MAN1C1: variants seen among roughly 807,000 people sequenced by gnomAD.
MAN1C1 encodes the protein mannosidase alpha class 1C member 1, also known as mannosyl-oligosaccharide 1,2-alpha-mannosidase IC.
In MAN1C1, 49 loss-of-function variants were observed where a neutral mutation model predicts 71.5. The observed-to-expected ratio is 0.69, with a 90% CI of 0.54 to 0.87. The LOEUF (loss-of-function observed/expected upper bound fraction) is 0.87, where lower values mean the gene tolerates loss of function less well. MAN1C1 is among the 40% of genes least tolerant of loss of function. The probability of loss-of-function intolerance (pLI) is 0.00; values close to 1 mark genes in which losing one functional copy is unlikely to be tolerated. For synonymous variants in MAN1C1, 352 were observed against 343.7 expected (o/e 1.02, Z -0.27); for missense variants, 743 against 835.0 (o/e 0.89, Z 1.36).
intron 2 of MAN1C1, among the ~76,000 whole-genome samples, chr1:25,694,679 A>T (rs1299343586): frequency 2.0e-5 from 3 of 152,200 alleles, no homozygotes; most frequent in Non-Finnish European, 4.4e-5. Context: ...CCACACACAC[A>T]CACCAGCCTT....
At chr1:25,712,427 C>T (rs1298259455) in intron 2 of MAN1C1, among the ~76,000 whole-genome samples, 1 of 152,180 alleles carries the variant, frequency 6.6e-6, no homozygotes, top group Non-Finnish European at 1.5e-5. Context: ...GCAGCCCCAG[C>T]CTAGCAGAAG....
At chr1:25,755,898 G>A (rs1344282784) in intron 5 of MAN1C1, among the ~76,000 whole-genome samples, 1 of 152,190 alleles carries the variant, frequency 6.6e-6, no homozygotes, top group East Asian at 1.9e-4. Context: ...TGGCCCATTG[G>A]CTCACAGGGC....
rs1265559984 is a variant in MAN1C1 at position 25,764,567 on chromosome 1, C to T, written c.1141+600C>T. On this transcript the variant is annotated intron_variant, in intron 7 of 11. Coordinates refer to ENST00000374332, the MANE Select transcript of MAN1C1 (RefSeq NM_020379.4). This position sits in a 1 kb window ranked among gnomAD's most constrained non-coding sequence, Gnocchi z 4.4. ...AGCTGGGACTACAAGCATGTGCCAC[C>T]ATGTCTGGCTACTTTTTTTGTATTT... Among the ~76,000 whole-genome samples the T allele has an allele frequency of 6.6e-6, 1 of 151,962 alleles. No homozygotes were observed. Among genetic ancestry groups the T allele is most frequent in the Non-Finnish European group, 1.5e-5 (1 of 67,992 alleles).
intron 2 of MAN1C1, among the ~76,000 whole-genome samples, chr1:25,741,577 AT>A (rs1289531636): frequency 6.6e-6 from 1 of 152,204 alleles, no homozygotes; most frequent in East Asian, 1.9e-4. Flanking sequence ...CCCCACTATT[AT>A]AAAGTGACAG....
intron 3 of MAN1C1, among the ~76,000 whole-genome samples, chr1:25,747,916 AT>A (rs140267575): frequency 0.025 from 3,797 of 152,300 alleles, 160 homozygotes; most frequent in African/African-American, 0.085. Flanking sequence ...TCTGATACTG[AT>A]GTAAAGTGAG....
intron 2 of MAN1C1, among the ~76,000 whole-genome samples, chr1:25,734,560 T>C (rs527630885): frequency 6.6e-6 from 1 of 152,364 alleles, no homozygotes; most frequent in East Asian, 1.9e-4. Flanking sequence ...GAAGCTTTTG[T>C]GGGGGTGTCC....
rs2047648956 is a variant in MAN1C1 at position 25,778,339 on chromosome 1, G to T, written c.1477+15G>T. ...CGCCCGCTCAGGTAACCCTGCAAGG[G>T]GAAGGGGCAGCAGGAGAGACTGAGG... On this transcript the variant is annotated intron_variant, in intron 9 of 11. Transcript: ENST00000374332. The surrounding 1 kb of genome is among the most constrained non-coding windows in gnomAD (Gnocchi z 5.5). The T allele has an allele frequency of 6.3e-7, 1 of 1,596,548 alleles. No homozygotes were observed. The highest frequency in any genetic ancestry group is 1.3e-5 in the African/African-American group (1 of 74,288).
intron 1 of MAN1C1, among the ~76,000 whole-genome samples, chr1:25,632,612 G>A (rs112793957): frequency 6.6e-6 from 1 of 152,078 alleles, no homozygotes. Context: ...TGATCCTTCA[G>A]ACTTTTTGAT....
intron 1 of MAN1C1, among the ~76,000 whole-genome samples, chr1:25,649,482 T>C (rs2045660073): frequency 6.6e-6 from 1 of 152,232 alleles, no homozygotes; most frequent in African/African-American, 2.4e-5. Flanking sequence ...TTTTCACTTG[T>C]CCTCTTGACT....
intron 1 of MAN1C1, among the ~76,000 whole-genome samples, chr1:25,670,198 C>T (rs578146975): frequency 1.2e-4 from 18 of 152,300 alleles, no homozygotes; most frequent in Non-Finnish European, 2.2e-4. Context: ...GATGCAGAGA[C>T]GCCACTAAGC....
rs148880245 is a variant in MAN1C1, at chr1:25,736,823, C to T, written c.638-9845C>T. On this transcript the variant is annotated intron_variant, in intron 2 of 11. Transcript: ENST00000374332. ...ATTACATGCCTGAGCCACTGCACCCCGGCTCATTATCCCATTTCACTGAGG... is the reference window on the plus strand; with the variant it reads ...ATTACATGCCTGAGCCACTGCACCCTGGCTCATTATCCCATTTCACTGAGG... Among the ~76,000 whole-genome samples the T allele has an allele frequency of 4.4e-3, 665 of 152,300 alleles. 5 individuals carry two copies. The highest frequency in any genetic ancestry group is 0.015 in the African/African-American group (633 of 41,564).
intron 1 of MAN1C1, among the ~76,000 whole-genome samples, chr1:25,666,937 T>C (rs532670642): frequency 0.013 from 1,052 of 83,048 alleles, 6 homozygotes; most frequent in Middle Eastern, 0.016. Flanking sequence ...TATGGCAGGG[T>C]CTGTTTTGCC....
In MAN1C1 at chr1:25,685,211, C is replaced by T. The variant is rs528560723; in HGVS notation, c.541-1229C>T. Among the ~76,000 whole-genome samples, 10 of 152,340 alleles carry T rather than the reference C, an allele frequency of 6.6e-5. 1 individual carries two copies. The South Asian group carries it at 2.1e-3, about 32-fold the overall frequency. On this transcript the variant is annotated intron_variant, in intron 1 of 11. Transcript: ENST00000374332. ...GGATGGTGGCAAGGCCTGCCTTGTC[C>T]CTTGCTAAAGCAGATCTCAGCTGAT... is the stretch of plus-strand genomic sequence containing the variant.
chr1:25,651,326 C>G (rs1317945681), intron 1 of MAN1C1, among the ~76,000 whole-genome samples: 1 of 152,158 alleles, frequency 6.6e-6, no homozygotes, highest in Non-Finnish European at 1.5e-5. Context: ...CTGGTTGGTC[C>G]CGGCCTGCAC....
chr1:25,763,422 G>A (rs1281047957), intron 6 of MAN1C1, among the ~76,000 whole-genome samples: 2 of 145,934 alleles, frequency 1.4e-5, no homozygotes, highest in South Asian at 2.3e-4. Context: ...CTGGGAGGCA[G>A]AGGTTGCAGT....
intron 1 of MAN1C1, among the ~76,000 whole-genome samples, chr1:25,661,222 C>T (rs2045843891): frequency 6.6e-6 from 1 of 152,226 alleles, no homozygotes; most frequent in Admixed American, 6.5e-5. Context: ...CCATGTATTT[C>T]ATCACCTCTA....
intron 2 of MAN1C1, among the ~76,000 whole-genome samples, chr1:25,728,105 G>A (rs889222654): frequency 3.9e-5 from 6 of 152,194 alleles, no homozygotes; most frequent in African/African-American, 7.2e-5. Context: ...CCCTTTGGGC[G>A]GCTCAGCTAT....
At chr1:25,687,020 A>G (rs1439894541) in intron 2 of MAN1C1, among the ~76,000 whole-genome samples, 1 of 152,150 alleles carries the variant, frequency 6.6e-6, no homozygotes, top group African/African-American at 2.4e-5. Context: ...CTTCACCTGT[A>G]GTACCAGTCA....
At chr1:25,681,219 T>G (rs2124163492) in intron 1 of MAN1C1, among the ~76,000 whole-genome samples, 1 of 135,796 alleles carries the variant, frequency 7.4e-6, no homozygotes, top group South Asian at 2.3e-4. Flanking sequence ...AGAGCAATAC[T>G]CCGTCTCAAA....
Sources: allele counts gnomAD v4.1 joint callset (sites outside exome capture counted in the v4.1 genomes callset), GRCh38; gene constraint gnomAD v4.1.1; non-coding constraint Gnocchi (gnomAD v3.1); transcripts MANE v1.5; gene names NCBI Gene and HGNC (gene_info 2026-07-23, HGNC 2026-07-21).